The following USP15 variants were observed in gnomAD, a reference collection of about 807,000 sequenced individuals.
USP15 encodes ubiquitin carboxyl-terminal hydrolase 15.
Under a neutral mutation model 127.1 loss-of-function variants are expected in USP15, and 18 were observed. The ratio of observed to expected loss-of-function variants is 0.14; its 90% CI spans 0.10 to 0.21. USP15 has a LOEUF of 0.21. Ranked by LOEUF, USP15 falls within the 10% of genes least tolerant of loss-of-function variation. The pLI, the probability that USP15 is intolerant of heterozygous loss-of-function variation, is 1.00. For synonymous variants in USP15, 364 were observed against 393.7 expected, an observed-to-expected ratio of 0.92 and a Z score of 0.89; for missense variants, 805 against 1,159.9, an observed-to-expected ratio of 0.69 and a Z score of 4.44.
chr12:62,354,147 G>C (rs768315426), intron 7 of USP15, among the ~76,000 whole-genome samples: 13 of 151,708 alleles, frequency 8.6e-5, no homozygotes, highest in Non-Finnish European at 1.5e-4. Context: ...GTGTGTGTGT[G>C]TGTATGTGTG....
In USP15 at chr12:62,328,700, A is replaced by G. The variant is rs147706382; in HGVS notation, c.683+2767A>G. ...TTCATTTTAAAGTTAGCATAGACCA[A>G]TACAGGTCCAGAATTAGCTGAGTCA... is the stretch of plus-strand genomic sequence containing the variant. On this transcript the variant is annotated intron_variant, in intron 6 of 21. Transcript: ENST00000280377. Among the ~76,000 whole-genome samples, 351 of 152,302 alleles carry G rather than the reference A, an allele frequency of 2.3e-3. 5 individuals are homozygous for G. Among genetic ancestry groups the G allele is most frequent in the African/African-American group, 7.7e-3 (319 of 41,564 alleles).
chr12:62,369,457 G>A (rs947490663), intron 8 of USP15, among the ~76,000 whole-genome samples: 10 of 139,046 alleles, frequency 7.2e-5, no homozygotes, highest in East Asian at 6.8e-4. Flanking sequence ...TCCTTTATAT[G>A]CCAACTGGTT....
At chr12:62,303,107 G>T (rs1172126640) in intron 3 of USP15, 187 bp downstream of exon 3, 4 of 538,588 alleles carry the variant, frequency 7.4e-6, no homozygotes, top group Non-Finnish European at 9.5e-6. Context: ...AGCCACTATT[G>T]TAAGTATGTA....
chr12:62,363,727 A>C (rs2066388730), intron 8 of USP15, among the ~76,000 whole-genome samples: 1 of 151,228 alleles, frequency 6.6e-6, no homozygotes, highest in Non-Finnish European at 1.5e-5. Flanking sequence ...CCTCTCTCCC[A>C]TGACTGCTGG....
intron 1 of USP15, among the ~76,000 whole-genome samples, chr12:62,271,405 C>A (rs756643665): frequency 2.0e-5 from 3 of 151,848 alleles, no homozygotes; most frequent in Non-Finnish European, 4.4e-5. Context: ...TGATAATTTT[C>A]TTTAGGTGCT....
intron 8 of USP15, among the ~76,000 whole-genome samples, chr12:62,377,447 C>T (rs533337868): frequency 2.6e-5 from 4 of 152,318 alleles, no homozygotes; most frequent in South Asian, 2.1e-4. Flanking sequence ...CAGCCAGGTG[C>T]GGTGGCTCAC....
At chr12:62,323,400 G>A (rs746473891) in intron 5 of USP15, among the ~76,000 whole-genome samples, 6 of 152,140 alleles carry the variant, frequency 3.9e-5, no homozygotes, top group Non-Finnish European at 7.4e-5. Context: ...CAGATAAAGT[G>A]AGGGAAATTA....
chr12:62,384,761 A>C lies in USP15; in HGVS notation c.1473+459A>C, dbSNP rs116120676. 3.7e-3 allele frequency among the ~76,000 whole-genome samples: 561 copies of C among 151,904 alleles called. 5 individuals carry two copies. Among genetic ancestry groups the C allele is most frequent in the African/African-American group, 0.013 (528 of 41,518 alleles). Reference sequence around the variant, plus strand: ...ATTTTAGGAACTTAAAAGAAAGTAGAAATTCAGTTAGACTAAAAATATTTT... The same window carrying C: ...ATTTTAGGAACTTAAAAGAAAGTAGCAATTCAGTTAGACTAAAAATATTTT... On this transcript the variant is annotated intron_variant, in intron 11 of 21. Coordinates refer to ENST00000280377, the MANE Select transcript of USP15 (RefSeq NM_001252078.2).
intron 6 of USP15, chr12:62,327,639 ATT>A (rs2065164656): frequency 2.3e-6 from 1 of 437,538 alleles, no homozygotes; most frequent in Non-Finnish European, 4.5e-6. Flanking sequence ...CTAATTTTAT[ATT>A]TTCTTTTATT....
At chr12:62,355,932 C>A (rs546863461) in intron 8 of USP15, among the ~76,000 whole-genome samples, 2 of 146,928 alleles carry the variant, frequency 1.4e-5, no homozygotes, top group East Asian at 2.0e-4. Flanking sequence ...CCTTAAAGGT[C>A]TTTTAATTTG....
chr12:62,345,469 C>T (rs1351766227), intron 6 of USP15, among the ~76,000 whole-genome samples: 4 of 152,172 alleles, frequency 2.6e-5, no homozygotes, highest in South Asian at 2.1e-4. Flanking sequence ...TTTCCCACAT[C>T]GTCCTGTCTC....
chr12:62,334,519 G>A (rs1265265662), intron 6 of USP15, among the ~76,000 whole-genome samples: 1 of 152,148 alleles, frequency 6.6e-6, no homozygotes, highest in Non-Finnish European at 1.5e-5. Flanking sequence ...GAAGCATACA[G>A]TAAATGCTGT....
At chr12:62,320,923 C>T (rs1030529682) in intron 4 of USP15, among the ~76,000 whole-genome samples, 15 of 152,032 alleles carry the variant, frequency 9.9e-5, no homozygotes, top group Admixed American at 5.2e-4. Context: ...CAGAAAAAGA[C>T]GTGACTTTAC....
intron 6 of USP15, among the ~76,000 whole-genome samples, chr12:62,326,967 TA>T (rs770354592): frequency 6.6e-6 from 1 of 151,558 alleles, no homozygotes; most frequent in Non-Finnish European, 1.5e-5. Context: ...CCATCTCTAC[TA>T]AAAATACAAA....
chr12:62,377,283 T>C (rs1251612297), intron 8 of USP15, among the ~76,000 whole-genome samples: 1 of 152,200 alleles, frequency 6.6e-6, no homozygotes, highest in Admixed American at 6.5e-5. Context: ...TAAAACATGG[T>C]ATTTAATTGC....
chr12:62,311,118 A>C (rs7974980), intron 3 of USP15, among the ~76,000 whole-genome samples: 7 of 151,758 alleles, frequency 4.6e-5, no homozygotes, highest in Admixed American at 4.6e-4. Context: ...CTGGATATTA[A>C]TCCTCTGTTG....
rs923530557 is a variant in USP15, at chr12:62,408,801, A to G, written c.*4426A>G. 1 of 152,034 alleles carries G rather than the reference A, an allele frequency of 6.6e-6. No individual in the cohort carries two copies. Among genetic ancestry groups the G allele is most frequent in the African/African-American group, 2.4e-5 (1 of 41,426 alleles). 9.4% of individuals were successfully genotyped at this position (152,034 alleles called of 1,614,324 possible). A position where few individuals can be genotyped will look rare whatever the true frequency, so the allele number is the denominator to read the frequency against. On this transcript the variant is annotated 3_prime_UTR_variant, in exon 22 of 22. Coordinates refer to ENST00000280377, the MANE Select transcript of USP15 (RefSeq NM_001252078.2). Reference sequence around the variant, plus strand: ...GATTTTCTAGTGAGAAATATATATGATGGTTTTTTAATAATCATTTTAGGT... The same window carrying G: ...GATTTTCTAGTGAGAAATATATATGGTGGTTTTTTAATAATCATTTTAGGT...
chr12:62,328,405 T>C (rs1432345501), intron 6 of USP15: 3 of 349,238 alleles, frequency 8.6e-6, no homozygotes, highest in South Asian at 4.4e-5. Context: ...AAGCTTTCTT[T>C]GTAAGTAGAT....
intron 6 of USP15, among the ~76,000 whole-genome samples, chr12:62,342,505 C>A (rs907554449): frequency 2.6e-4 from 40 of 152,142 alleles, no homozygotes; most frequent in Non-Finnish European, 4.4e-5. Flanking sequence ...TTGGAATTTT[C>A]AGCGTTTTTG....
Sources: allele counts gnomAD v4.1 joint callset (sites outside exome capture counted in the v4.1 genomes callset), GRCh38; gene constraint gnomAD v4.1.1; transcripts MANE v1.5; gene names NCBI Gene and HGNC (gene_info 2026-07-23, HGNC 2026-07-21).